DLGAP2: variants seen among roughly 807,000 people sequenced by gnomAD.
DLGAP2 encodes the protein disks large-associated protein 2.
In DLGAP2, 26 loss-of-function variants were observed where a neutral mutation model predicts 100.3. The observed-to-expected ratio is 0.26, with a 90% CI of 0.19 to 0.36. DLGAP2 has a LOEUF of 0.36. Among genes scored for constraint, DLGAP2 ranks in the 10% least tolerant of loss-of-function variants. The pLI is 1.00. For synonymous variants in DLGAP2, 886 were observed against 630.1 expected (o/e 1.41, Z -6.08); for missense variants, 1,858 against 1,453.2 (o/e 1.28, Z -4.53).
chr8:1,683,948 ATG>A (rs1309074362), intron 12 of DLGAP2, among the ~76,000 whole-genome samples: 18 of 35,726 alleles, frequency 5.0e-4, no homozygotes, highest in East Asian at 3.7e-3. Context: ...GTATATATAT[ATG>A]TGTGTATATA....
In DLGAP2 at chr8:1,338,870, C is replaced by G. The variant is rs904763453; in HGVS notation, c.106+79987C>G. Among the ~76,000 whole-genome samples, 8 of 99,422 alleles carry G rather than the reference C, an allele frequency of 8.0e-5. No homozygotes were observed. The East Asian group carries it at 1.8e-3, about 22-fold the overall frequency. The allele number at this position is 99,422 out of a possible 152,430, so 65.2% of individuals were successfully genotyped here. A position where few individuals can be genotyped will look rare whatever the true frequency, so the allele number is the denominator to read the frequency against. On this transcript the variant is annotated intron_variant, in intron 3 of 14. Coordinates refer to ENST00000637795, the MANE Select transcript of DLGAP2 (RefSeq NM_001346810.2). Reference sequence around the variant, plus strand: ...AGGGAATGCAGTGACTTCAGTGAGGCGTCAGGACCTGGCAGGGAATGCAGT... The same window carrying G: ...AGGGAATGCAGTGACTTCAGTGAGGGGTCAGGACCTGGCAGGGAATGCAGT...
rs141504985 is a variant in DLGAP2, at chr8:1,329,959, C to T, written c.106+71076C>T. Among the ~76,000 whole-genome samples the T allele has an allele frequency of 2.9e-4, 44 of 152,354 alleles. 1 individual carries two copies. The highest frequency in any genetic ancestry group is 1.0e-3 in the African/African-American group (43 of 41,580). ...AACCCCAGAGCTTCCTCTCCCCATC[C>T]GATTCACTTGCTTGTCTGACTGTGG... On this transcript the variant is annotated intron_variant, in intron 3 of 14. Transcript: ENST00000637795.
intron 3 of DLGAP2, among the ~76,000 whole-genome samples, chr8:1,294,166 C>A (rs2116976027): frequency 6.6e-6 from 1 of 152,310 alleles, no homozygotes; most frequent in South Asian, 2.1e-4. Flanking sequence ...AGCTGGTCTT[C>A]CCTCAGGGTC....
At chr8:1,493,214 G>A (rs1302006498) in intron 3 of DLGAP2, among the ~76,000 whole-genome samples, 1 of 152,174 alleles carries the variant, frequency 6.6e-6, no homozygotes, top group Non-Finnish European at 1.5e-5. Flanking sequence ...CCGCAGCTCT[G>A]AGACGCGCCT....
intron 4 of DLGAP2, among the ~76,000 whole-genome samples, chr8:1,517,454 C>T (rs1188834283): frequency 6.6e-6 from 1 of 152,134 alleles, no homozygotes; most frequent in African/African-American, 2.4e-5. Context: ...GTTTCCCCAC[C>T]CCCTGCTCCA....
At position 1,203,877 on chromosome 8, in the gene DLGAP2, G is replaced by T. The variant is rs143021674; in HGVS notation, c.74-54974G>T. ...GGCAGGCTCGTTCTCATTTAGGGAG[G>T]AGTAGGAAGTGCCTGTATCAGGACT... On this transcript the variant is annotated intron_variant, in intron 2 of 14. Transcript: ENST00000637795. 1.9e-4 allele frequency among the ~76,000 whole-genome samples: 29 copies of T among 152,278 alleles called. No individual in the cohort carries two copies. The East Asian group carries it at 5.6e-3, about 29-fold the overall frequency.
At position 818,889 on chromosome 8, in the gene DLGAP2, T is replaced by A. The variant is rs190717936; in HGVS notation, c.18+81064T>A. On this transcript the variant is annotated intron_variant, in intron 1 of 14. Coordinates refer to ENST00000637795, the MANE Select transcript of DLGAP2 (RefSeq NM_001346810.2). ...CTTGGTGACTATAAATGATATAAAT[T>A]GATTCAACAAAACTTAGAAAAATTT... 9.7e-4 allele frequency among the ~76,000 whole-genome samples: 148 copies of A among 152,300 alleles called. 1 individual carries two copies. Among genetic ancestry groups the A allele is most frequent in the Non-Finnish European group, 1.6e-3 (106 of 68,026 alleles).
rs756280409 is a variant in DLGAP2, at chr8:1,549,595, A to G, written c.1142A>G (p.Glu381Gly). ...ACGCTGACGGTCAGCCAGGCCAAGG[A>G]GGCCTACCGCAAGAGCTCGCTGAAC... ...WSTLTVSQAK[E>G]AYRKSSLNLD... Residue 381 changes from glutamate (E) to glycine (G), a missense_variant, in exon 5 of 15, where the codon GAG becomes GGG. Physicochemically the swap from Glu to Gly is moderately conservative, Grantham distance 98 (BLOSUM62 -2). Coordinates refer to ENST00000637795, the MANE Select transcript of DLGAP2 (RefSeq NM_001346810.2). The G allele has an allele frequency of 2.1e-5, 33 of 1,609,150 alleles. No homozygotes were observed. The highest frequency in any genetic ancestry group is 2.8e-5 in the Non-Finnish European group (33 of 1,178,674).
chr8:1,606,661 A>G (rs538912596), intron 6 of DLGAP2, among the ~76,000 whole-genome samples: 4 of 152,324 alleles, frequency 2.6e-5, no homozygotes, highest in South Asian at 4.1e-4. Context: ...GGAGGCTATT[A>G]TGAATAATTC....
At chr8:767,102 G>A (rs1389380388) in intron 1 of DLGAP2, among the ~76,000 whole-genome samples, 2 of 152,148 alleles carry the variant, frequency 1.3e-5, no homozygotes, top group Non-Finnish European at 1.5e-5. Flanking sequence ...CATCCCCGGG[G>A]TGCATCTCCT....
At chr8:853,941 A>G (rs968692709) in intron 1 of DLGAP2, among the ~76,000 whole-genome samples, 1 of 152,110 alleles carries the variant, frequency 6.6e-6, no homozygotes, top group Admixed American at 6.6e-5. Context: ...GGGCCGCCAC[A>G]GGTGGGATAA....
rs528647544 is a variant in DLGAP2 at position 1,132,390 on chromosome 8, T to C, written c.74-126461T>C. 3.1e-3 allele frequency among the ~76,000 whole-genome samples: 477 copies of C among 152,308 alleles called. 1 individual carries two copies. Among genetic ancestry groups the C allele is most frequent in the Non-Finnish European group, 5.6e-3 (384 of 68,016 alleles). On this transcript the variant is annotated intron_variant, in intron 2 of 14. Coordinates refer to ENST00000637795, the MANE Select transcript of DLGAP2 (RefSeq NM_001346810.2). ...CAAAACCAGCTGGTAGGTACAAATT[T>C]CTGTAATATTACAGTTAAGCTACTT... is the stretch of plus-strand genomic sequence containing the variant.
intron 3 of DLGAP2, among the ~76,000 whole-genome samples, chr8:1,358,535 C>T (rs1801906593): frequency 6.6e-6 from 1 of 152,140 alleles, no homozygotes; most frequent in South Asian, 2.1e-4. Flanking sequence ...TCTTTGCATT[C>T]CTTAACATCA....
intron 3 of DLGAP2, among the ~76,000 whole-genome samples, chr8:1,279,658 G>T (rs1327543324): frequency 6.6e-6 from 1 of 152,246 alleles, no homozygotes; most frequent in South Asian, 2.1e-4. Context: ...GAAGGTGTCA[G>T]CTTGTGAGGC....
chr8:984,427 G>A (rs1163348701), intron 2 of DLGAP2, among the ~76,000 whole-genome samples: 9 of 152,176 alleles, frequency 5.9e-5, no homozygotes, highest in Non-Finnish European at 2.9e-5. Context: ...TCCAATCCAG[G>A]AGCTGGTAGC....
rs1256070798 is a variant in DLGAP2, at chr8:1,626,884, C to T, written c.1587C>T (p.Ser529=). The change falls in exon 7 of 15, where the codon AGC becomes AGT. Residue 529 remains serine (S), a synonymous_variant. Coordinates refer to ENST00000637795, the MANE Select transcript of DLGAP2 (RefSeq NM_001346810.2). ...VSTLSQASCV[S]QVSEAEINGQ... ...CCCTGAGCCAGGCCAGCTGCGTGAG[C>T]CAGGTCAGGGTCCCTTCGCCCTTTC... 1 of 1,597,812 alleles carries T rather than the reference C, an allele frequency of 6.3e-7. No individual in the cohort carries two copies.
intron 2 of DLGAP2, among the ~76,000 whole-genome samples, chr8:1,242,474 G>C (rs1234665136): frequency 6.6e-6 from 1 of 152,184 alleles, no homozygotes; most frequent in East Asian, 1.9e-4. Context: ...TGTTTCTTAT[G>C]AAATGTCCCA....
In DLGAP2 at chr8:861,640, T is replaced by C. The variant is rs1208393914; in HGVS notation, c.19-46272T>C. Among the ~76,000 whole-genome samples, 3 of 152,328 alleles carry C rather than the reference T, an allele frequency of 2.0e-5. No homozygotes were observed. The East Asian group carries it at 5.8e-4, about 29-fold the overall frequency. Reference sequence around the variant, plus strand: ...TTTAATGTGAAATCAAATATGGAATTCCAAACAACCCAGGAATAATTCAGG... The same window carrying C: ...TTTAATGTGAAATCAAATATGGAATCCCAAACAACCCAGGAATAATTCAGG... On this transcript the variant is annotated intron_variant, in intron 1 of 14. Transcript: ENST00000637795.
chr8:1,635,825 C>T lies in DLGAP2; in HGVS notation c.1810+2779C>T, dbSNP rs141755099. ...TACATCTTAGACCATCTGTTTTAAA[C>T]ATGGACAGGTTGAGGTTCCCAGAGG... On this transcript the variant is annotated intron_variant, in intron 8 of 14. Transcript: ENST00000637795. 2.6e-3 allele frequency among the ~76,000 whole-genome samples: 403 copies of T among 152,274 alleles called. 7 individuals carry two copies. The highest frequency in any genetic ancestry group is 9.2e-3 in the African/African-American group (381 of 41,562).
Sources: allele counts gnomAD v4.1 joint callset (sites outside exome capture counted in the v4.1 genomes callset), GRCh38; gene constraint gnomAD v4.1.1; transcripts MANE v1.5; gene names NCBI Gene and HGNC (gene_info 2026-07-23, HGNC 2026-07-21).